The following ATP8A1 variants were observed in gnomAD, a reference collection of about 807,000 sequenced individuals.
ATP8A1 encodes the protein ATPase phospholipid transporting 8A1.
ATP8A1 carries 90 observed loss-of-function variants against 177.7 expected under a neutral mutation model. The observed-to-expected ratio is 0.51, with a 90% CI of 0.43 to 0.60. ATP8A1 has a LOEUF of 0.60. Among genes scored for constraint, ATP8A1 ranks in the 20% least tolerant of loss-of-function variants. ATP8A1 has a pLI of 0.00. For missense variants in ATP8A1, 1,072 were observed against 1,392.8 expected, an observed-to-expected ratio of 0.77 and a Z score of 3.67; for synonymous variants, 493 against 485.9, an observed-to-expected ratio of 1.01 and a Z score of -0.19.
At chr4:42,433,399 T>C (rs2153171376) in intron 33 of ATP8A1, among the ~76,000 whole-genome samples, 1 of 152,314 alleles carries the variant, frequency 6.6e-6, no homozygotes, top group East Asian at 1.9e-4. Flanking sequence ...TTTGAAACTT[T>C]TGATCCACTG....
In ATP8A1 at chr4:42,626,764, G is replaced by A. The variant is rs1738143840; in HGVS notation, c.164+231C>T. 3 of 537,652 alleles carry A rather than the reference G, an allele frequency of 5.6e-6. No individual in the cohort carries two copies. In the African/African-American group the frequency reaches 5.7e-5, roughly 10 times the overall value. The allele number at this position is 537,652 out of a possible 1,614,324, so 33.3% of individuals were successfully genotyped here. A position where few individuals can be genotyped will look rare whatever the true frequency, so the allele number is the denominator to read the frequency against. On this transcript the variant is annotated intron_variant, in intron 2 of 36. Transcript: ENST00000381668. The stretch of plus-strand genomic sequence containing the variant: ...GCAGCTTTCATTATTCAATATCTAT[G>A]CAGCATCGGCAGAGGATGGGTGCTT...
At position 42,590,793 on chromosome 4, in the gene ATP8A1, C is replaced by A. The variant is rs369052451; in HGVS notation, c.524+18G>T. The A allele has an allele frequency of 6.2e-7, 1 of 1,612,332 alleles. No individual in the cohort carries two copies. The highest frequency in any genetic ancestry group is 1.1e-5 in the South Asian group (1 of 90,900). On this transcript the variant is annotated intron_variant, in intron 7 of 36. Transcript: ENST00000381668. ...AGGACCCACATACACGCATCCTATA[C>A]GACTCAGTGGTTCTAACCTTGAGGA...
chr4:42,653,782 C>T (rs1176963678), intron 1 of ATP8A1, among the ~76,000 whole-genome samples: 1 of 152,224 alleles, frequency 6.6e-6, no homozygotes, highest in African/African-American at 2.4e-5. Flanking sequence ...CTCACCTTGG[C>T]ATTTAAAATG....
chr4:42,507,191 C>T (rs555427292), intron 22 of ATP8A1, 37 bp from the exon 23 acceptor site: 71 of 1,599,710 alleles, frequency 4.4e-5, no homozygotes, highest in Non-Finnish European at 5.5e-5. Context: ...TTTAAAAATC[C>T]GTTCATATTC....
At chr4:42,544,097 A>T in intron 19 of ATP8A1, 111 bp from the exon 20 acceptor site, 1 of 848,818 alleles carries the variant, frequency 1.2e-6, no homozygotes, top group East Asian at 2.7e-5. Flanking sequence ...AATCTGACCA[A>T]ATCATGAGCC....
intron 1 of ATP8A1, 30 bp downstream of exon 1, chr4:42,656,795 G>C (rs1278573684): frequency 1.3e-6 from 2 of 1,539,770 alleles, no homozygotes; most frequent in Admixed American, 3.8e-5. Context: ...CCCGACCCCG[G>C]GCTAGCCCCG....
chr4:42,616,388 C>T (rs890106139), intron 4 of ATP8A1, among the ~76,000 whole-genome samples: 1 of 152,110 alleles, frequency 6.6e-6, no homozygotes, highest in African/African-American at 2.4e-5. Context: ...TTTTAATGTA[C>T]TAGAAAAGTA....
In ATP8A1 at chr4:42,543,941, C is replaced by T. The variant is rs536543433; in HGVS notation, c.1698G>A (p.Lys566=). The T allele has an allele frequency of 6.2e-7, 1 of 1,612,880 alleles. No homozygotes were observed. Among genetic ancestry groups the T allele is most frequent in the South Asian group, 1.1e-5 (1 of 90,962 alleles). ...CAGCTCCTTTGCAGTAGAGTCGTAA[C>T]TTTCCAGATGGAGTGCGAACAATCA... ...MSVIVRTPSG[K]LRLYCKGADT... Residue 566 remains lysine, a synonymous_variant, in exon 20 of 37, where the codon AAG becomes AAA. Transcript: ENST00000381668.
chr4:42,544,091 T>C (rs940805576), intron 19 of ATP8A1, 105 bp from the exon 20 acceptor site: 17 of 927,082 alleles, frequency 1.8e-5, no homozygotes, highest in Non-Finnish European at 2.7e-5. Context: ...AAAATAAATC[T>C]GACCAAATCA....
chr4:42,648,906 C>T (rs1299441452), intron 1 of ATP8A1, among the ~76,000 whole-genome samples: 1 of 152,112 alleles, frequency 6.6e-6, no homozygotes, highest in Non-Finnish European at 1.5e-5. Flanking sequence ...AAGAAAAATG[C>T]TATACAGTGC....
At chr4:42,419,272 G>C (rs1262282332) in intron 35 of ATP8A1, among the ~76,000 whole-genome samples, 2 of 152,080 alleles carry the variant, frequency 1.3e-5, no homozygotes, top group East Asian at 3.9e-4. Context: ...TATTTACTGA[G>C]TGCTACTAAG....
chr4:42,593,329 G>A (rs960993595), intron 6 of ATP8A1, among the ~76,000 whole-genome samples: 1 of 152,108 alleles, frequency 6.6e-6, no homozygotes, highest in Non-Finnish European at 1.5e-5. Context: ...AAGAACAGAG[G>A]GGGTGATTTG....
intron 30 of ATP8A1, among the ~76,000 whole-genome samples, chr4:42,446,982 G>A (rs192085899): frequency 6.6e-6 from 1 of 152,224 alleles, no homozygotes; most frequent in Admixed American, 6.5e-5. Flanking sequence ...CAATATGGAT[G>A]AGAGTCATAG....
At chr4:42,475,069 CGAG>C (rs1369074527) in intron 25 of ATP8A1, among the ~76,000 whole-genome samples, 1 of 152,138 alleles carries the variant, frequency 6.6e-6, no homozygotes, top group East Asian at 1.9e-4. Flanking sequence ...ATTTTACAAA[CGAG>C]GAATCCAAGG....
intron 33 of ATP8A1, among the ~76,000 whole-genome samples, chr4:42,440,152 C>T (rs890646100): frequency 6.6e-6 from 1 of 152,162 alleles, no homozygotes; most frequent in African/African-American, 2.4e-5. Flanking sequence ...CCTATTGGCT[C>T]TGCCCTCAAA....
intron 1 of ATP8A1, among the ~76,000 whole-genome samples, chr4:42,645,926 G>A (rs1485476716): frequency 3.3e-5 from 5 of 150,934 alleles, no homozygotes; most frequent in African/African-American, 1.2e-4. Flanking sequence ...ACATGGCCTA[G>A]GTTAGAGAAA....
At chr4:42,655,751 G>A (rs996792722) in intron 1 of ATP8A1, among the ~76,000 whole-genome samples, 1 of 151,990 alleles carries the variant, frequency 6.6e-6, no homozygotes, top group Non-Finnish European at 1.5e-5. Flanking sequence ...ATTTTTACAG[G>A]GAGCCCCTAA....
Position 42,604,075 on chromosome 4 carries a change from C to T in ATP8A1, c.410-3557G>A, listed in dbSNP as rs115738746. Among the ~76,000 whole-genome samples, 1,412 of 152,282 alleles carry T rather than the reference C, an allele frequency of 9.3e-3. 14 individuals carry two copies. Among genetic ancestry groups the T allele is most frequent in the African/African-American group, 0.032 (1,317 of 41,556 alleles). On this transcript the variant is annotated intron_variant, in intron 5 of 36. Coordinates refer to ENST00000381668, the MANE Select transcript of ATP8A1 (RefSeq NM_006095.2). ...CCTTATGCCCTCTGTAGTGAGCGCA[C>T]CATGCTCTCTGCTGTCTCAAATCCT...
intron 27 of ATP8A1, among the ~76,000 whole-genome samples, chr4:42,459,784 T>A (rs6822045): frequency 0.5 from 76,530 of 151,964 alleles, 20,397 homozygotes; most frequent in Middle Eastern, 0.67. Context: ...GTTATTTTTT[T>A]AATTTTTATT....
Sources: gnomAD v4.1 joint callset for allele counts (sites outside exome capture counted in the v4.1 genomes callset) on GRCh38, gnomAD v4.1.1 for gene constraint, MANE v1.5 for transcripts, NCBI Gene and HGNC (gene_info 2026-07-23, HGNC 2026-07-21) for gene names.